The following DCAF1 variants were observed in gnomAD, a reference collection of about 807,000 sequenced individuals.
The protein encoded by DCAF1 is DDB1 and CUL4 associated factor 1.
DCAF1 carries 15 observed loss-of-function variants against 128.0 expected under a neutral mutation model. The observed-to-expected ratio is 0.12, with a 90% CI of 0.08 to 0.18. The LOEUF (loss-of-function observed/expected upper bound fraction) is 0.18, where lower values mean the gene tolerates loss of function less well. Ranked by LOEUF, DCAF1 falls within the 10% of genes least tolerant of loss-of-function variation. The pLI, the probability that DCAF1 is intolerant of heterozygous loss-of-function variation, is 1.00. For missense variants in DCAF1, 988 were observed against 1,649.5 expected (o/e 0.60, Z 6.95); for synonymous variants, 610 against 603.0 (o/e 1.01, Z -0.17).
At position 51,403,244 on chromosome 3, in the gene DCAF1, G is replaced by A; in HGVS notation, c.4364C>T (p.Ser1455Phe). The change falls in exon 24 of 25, where the codon TCT (serine) becomes TTT (phenylalanine). Residue 1455 changes from serine to phenylalanine, a missense_variant. By Grantham distance (155) the Ser-to-Phe change is radical. This residue lies in a region of DCAF1 where 97 missense variants were observed against 134.5 expected (regional missense o/e 0.72). Transcript: ENST00000684031. ...NAGEDGDNDF[S>F]PSDEELANLL... Reference sequence around the variant, plus strand: ...GTTTGCTAGCTCCTCATCAGAGGGAGAGAAGTCATTGTCCCCATCTTCCCC... The same window carrying A: ...GTTTGCTAGCTCCTCATCAGAGGGAAAGAAGTCATTGTCCCCATCTTCCCC... The A allele has an allele frequency of 6.2e-7, 1 of 1,613,768 alleles. No homozygotes were observed. Among genetic ancestry groups the A allele is most frequent in the South Asian group, 1.1e-5 (1 of 91,002 alleles).
chr3:51,417,854 T>C (rs1402104391), intron 17 of DCAF1, among the ~76,000 whole-genome samples: 1 of 151,688 alleles, frequency 6.6e-6, no homozygotes, highest in South Asian at 2.1e-4. Context: ...AAGACTGCAA[T>C]GTCCTATGTG....
chr3:51,496,951 A>AAT (rs1186720635), intron 1 of DCAF1, among the ~76,000 whole-genome samples, 171 bp from the exon 2 acceptor site: 4 of 152,182 alleles, frequency 2.6e-5, no homozygotes, highest in Admixed American at 2.0e-4. Flanking sequence ...GATTCCACAA[A>AAT]ATATATATAT....
At chr3:51,468,432 A>C (rs568951907) in intron 4 of DCAF1, among the ~76,000 whole-genome samples, 1 of 152,248 alleles carries the variant, frequency 6.6e-6, no homozygotes, top group African/African-American at 2.4e-5. Flanking sequence ...TCAGCCTCCC[A>C]AAGTGCTGGG....
chr3:51,399,277 G>C (rs1416733959), intron 24 of DCAF1, among the ~76,000 whole-genome samples: 2 of 152,234 alleles, frequency 1.3e-5, no homozygotes, highest in Non-Finnish European at 2.9e-5. Context: ...AGGCAAAAGT[G>C]AGAGATGTAT....
intron 24 of DCAF1, among the ~76,000 whole-genome samples, chr3:51,402,362 G>A (rs139391085): frequency 7.2e-4 from 110 of 152,026 alleles, no homozygotes; most frequent in Middle Eastern, 3.4e-3. Context: ...GCCTCTCGGC[G>A]GAGAGCTACA....
chr3:51,435,283 C>G (rs1325340666), intron 9 of DCAF1, among the ~76,000 whole-genome samples: 1 of 152,160 alleles, frequency 6.6e-6, no homozygotes, highest in African/African-American at 2.4e-5. Context: ...GAAATTGCAA[C>G]TGAAAGCAAT....
chr3:51,398,204 A>G lies in DCAF1; in HGVS notation c.*565T>C, dbSNP rs1240754014. 6.6e-6 allele frequency: 1 copy of G among 152,070 alleles called. No individual in the cohort carries two copies. Among genetic ancestry groups the G allele is most frequent in the African/African-American group, 2.4e-5 (1 of 41,430 alleles). 9.4% of individuals were successfully genotyped at this position (152,070 alleles called of 1,614,324 possible). A position where few individuals can be genotyped will look rare whatever the true frequency, so the allele number is the denominator to read the frequency against. The stretch of plus-strand genomic sequence containing the variant: ...TAAAAAATCATATATTATATTTATA[A>G]TAAAATATTCTTAATCCTTATCAAT... On this transcript the variant is annotated 3_prime_UTR_variant, in exon 25 of 25. Transcript: ENST00000684031.
chr3:51,477,904 T>A (rs1705677313), intron 3 of DCAF1, among the ~76,000 whole-genome samples: 1 of 151,298 alleles, frequency 6.6e-6, no homozygotes, highest in Non-Finnish European at 1.5e-5. Context: ...CCAGTAGCTT[T>A]TATATATATA....
chr3:51,483,879 G>T, intron 2 of DCAF1, 43 bp from the exon 3 acceptor site: 2 of 1,341,782 alleles, frequency 1.5e-6, no homozygotes, highest in Non-Finnish European at 2.1e-6. Flanking sequence ...ACCAATAAAT[G>T]AACACAAGCA....
intron 6 of DCAF1, among the ~76,000 whole-genome samples, chr3:51,457,289 T>C (rs1465279087): frequency 1.3e-5 from 2 of 152,150 alleles, no homozygotes; most frequent in Non-Finnish European, 2.9e-5. Context: ...GTAGCCGATG[T>C]GATCAACTGG....
chr3:51,417,730 A>G (rs947762126), intron 17 of DCAF1, among the ~76,000 whole-genome samples: 1 of 151,086 alleles, frequency 6.6e-6, no homozygotes, highest in African/African-American at 2.4e-5. Context: ...ACAAAAAATA[A>G]AAAAAAGAAA....
At chr3:51,396,022 C>T (rs2089178398), downstream of DCAF1, 3 of 412,616 alleles carry the variant, frequency 7.3e-6, no homozygotes, top group South Asian at 2.7e-4. Flanking sequence ...TGGGTCTTGT[C>T]CTGTTGCAGG....
chr3:51,464,159 C>A (rs1368220141), intron 5 of DCAF1, among the ~76,000 whole-genome samples: 1 of 151,970 alleles, frequency 6.6e-6, no homozygotes, highest in African/African-American at 2.4e-5. Context: ...CTGGCCCCCA[C>A]ACCACTGCAT....
chr3:51,490,257 A>G (rs1707473849), intron 2 of DCAF1, among the ~76,000 whole-genome samples: 1 of 152,176 alleles, frequency 6.6e-6, no homozygotes, highest in Non-Finnish European at 1.5e-5. Context: ...CTTTACAAAA[A>G]AGGCAAAAAA....
At chr3:51,441,326 C>A in intron 8 of DCAF1, 59 bp downstream of exon 8, 1 of 1,524,060 alleles carries the variant, frequency 6.6e-7, no homozygotes, top group Non-Finnish European at 8.8e-7. Flanking sequence ...CCATAAAATA[C>A]CACAGAAATG....
chr3:51,499,180 G>A (rs568859011), intron 1 of DCAF1, among the ~76,000 whole-genome samples: 27 of 152,184 alleles, frequency 1.8e-4, no homozygotes, highest in Non-Finnish European at 3.4e-4. Context: ...TTAAGCAAAC[G>A]CTTCTGACAC....
chr3:51,440,386 A>G, intron 9 of DCAF1, among the ~76,000 whole-genome samples: 1 of 151,882 alleles, frequency 6.6e-6, no homozygotes, highest in East Asian at 2.0e-4. Flanking sequence ...CCAAAGCAGA[A>G]GGATTGCTTC....
chr3:51,505,014 C>G (rs1274706939), upstream of DCAF1, among the ~76,000 whole-genome samples: 1 of 152,056 alleles, frequency 6.6e-6, no homozygotes, highest in Non-Finnish European at 1.5e-5. Context: ...ATAATCCCAG[C>G]ACTTTAGGGG....
chr3:51,499,481 A>G lies in DCAF1; in HGVS notation c.-56+392T>C, dbSNP rs574185474. Among the ~76,000 whole-genome samples the G allele has an allele frequency of 7.9e-5, 12 of 152,256 alleles. No homozygotes were observed. In the South Asian group the frequency reaches 2.5e-3, roughly 32 times the overall value. The stretch of plus-strand genomic sequence containing the variant: ...AGGGGCCCGCCGTATAGTACGGAAG[A>G]TGGAGCCCCGCAAGCCCGTACGGAA... On this transcript the variant is annotated intron_variant, in intron 1 of 24. Transcript: ENST00000684031.
Sources: allele counts gnomAD v4.1 joint callset (sites outside exome capture counted in the v4.1 genomes callset), GRCh38; gene constraint gnomAD v4.1.1; regional missense constraint gnomAD v4.1.1; transcripts MANE v1.5; gene names NCBI Gene and HGNC (gene_info 2026-07-23, HGNC 2026-07-21).